CRLF2: variants seen among roughly 807,000 people sequenced by gnomAD.
CRLF2 encodes cytokine receptor like factor 2, also known as cytokine receptor-like factor 2.
A neutral mutation model predicts 38.7 loss-of-function variants in CRLF2; 41 were observed. That is an observed-to-expected ratio of 1.06 (90% CI 0.83 to 1.37). The LOEUF (loss-of-function observed/expected upper bound fraction) is 1.37. CRLF2 is among the 40% of genes most tolerant of loss of function. The probability of loss-of-function intolerance (pLI) is 0.00; values close to 1 mark genes in which losing one functional copy is unlikely to be tolerated. For synonymous variants in CRLF2, 140 were observed against 128.8 expected (o/e 1.09, Z -0.59); for missense variants, 377 against 322.2 (o/e 1.17, Z -1.30).
At chrX:1,207,763 C>A (rs2086718851) in intron 2 of CRLF2, among the ~76,000 whole-genome samples, 1 of 151,628 alleles carries the variant, frequency 6.6e-6, no homozygotes, top group Admixed American at 6.6e-5. Context: ...GATTCTCTTG[C>A]CTCAGCCTCC....
At chrX:1,209,537 TA>T (rs2086757446) in intron 1 of CRLF2, among the ~76,000 whole-genome samples, 1 of 151,208 alleles carries the variant, frequency 6.6e-6, no homozygotes, top group South Asian at 2.1e-4. Context: ...TTCACTGTGT[TA>T]GCCAGGATGG....
rs370190016 is a variant in CRLF2, at chrX:1,204,096, A to AAAAAAAAGAG, written c.350-1562_350-1561insCTCTTTTTTT. 1.1e-3 allele frequency among the ~76,000 whole-genome samples: 151 copies of AAAAAAAAGAG among 133,424 alleles called. 8 individuals carry two copies. Among genetic ancestry groups the AAAAAAAAGAG allele is most frequent in the Non-Finnish European group, 1.9e-3 (120 of 64,324 alleles). 87.5% of individuals were successfully genotyped at this position (133,424 alleles called of 152,430 possible). On this transcript the variant is annotated intron_variant, in intron 3 of 7. Coordinates refer to ENST00000400841, the MANE Select transcript of CRLF2 (RefSeq NM_022148.4). ...GAGCAAGACCCTCTCTCTCAAAAAA[A>AAAAAAAAGAG]AGAGAGAACATCCAGTGAGTGGGAT...
chrX:1,191,224 CGTACAGACG>C, intron 7 of CRLF2, 64 bp from the exon 8 acceptor site: 1 of 398,674 alleles, frequency 2.5e-6, no homozygotes, highest in South Asian at 1.3e-4. Context: ...CCTGAGCATC[CGTACAGACG>C]GTACCCACCA....
intron 4 of CRLF2, 118 bp downstream of exon 4, chrX:1,202,284 T>C (rs2086621273): frequency 8.5e-7 from 1 of 1,178,584 alleles, no homozygotes; most frequent in East Asian, 2.5e-5. Flanking sequence ...TACAGCAGAG[T>C]GGAATTCAGG....
At chrX:1,197,629 T>A (rs189670613) in intron 5 of CRLF2, among the ~76,000 whole-genome samples, 1 of 151,394 alleles carries the variant, frequency 6.6e-6, no homozygotes, top group Admixed American at 6.6e-5. Flanking sequence ...GCCTGGCCAA[T>A]ATGGGGAAAC....
At chrX:1,205,101 A>G (rs1398438033) in intron 3 of CRLF2, among the ~76,000 whole-genome samples, 1 of 152,264 alleles carries the variant, frequency 6.6e-6, no homozygotes, top group Non-Finnish European at 1.5e-5. Context: ...TGCTGGGATT[A>G]CAGGCGTGAG....
chrX:1,202,445 A>T lies in CRLF2; in HGVS notation c.440T>A (p.Leu147His). The T allele has an allele frequency of 6.2e-7, 1 of 1,613,700 alleles. No homozygotes were observed. Among genetic ancestry groups the T allele is most frequent in the Non-Finnish European group, 8.5e-7 (1 of 1,179,662 alleles). Residue 147 changes from leucine (L) to histidine (H), a missense_variant, in exon 4 of 8, where the codon CTC becomes CAC. By Grantham distance (99) the Leu-to-His change is moderately conservative. Coordinates refer to ENST00000400841, the MANE Select transcript of CRLF2 (RefSeq NM_022148.4). The part of the protein sequence containing the change: ...TCSDLSYGDL[L>H]YEVQYRSPFD... ...GGGGCTCCGGTACTGAACCTCATAG[A>T]GGAGATCCCCGTAGGACAGGTCAGA...
intron 7 of CRLF2, among the ~76,000 whole-genome samples, chrX:1,192,475 G>A (rs2086401747): frequency 6.6e-6 from 1 of 151,832 alleles, no homozygotes; most frequent in Admixed American, 6.6e-5. Context: ...AATTAGCCAG[G>A]TGTGGTGGCG....
intron 1 of CRLF2, among the ~76,000 whole-genome samples, chrX:1,212,010 A>C (rs1197834361): frequency 1.3e-5 from 2 of 149,882 alleles, no homozygotes; most frequent in African/African-American, 4.9e-5. Flanking sequence ...TGGATGGTGG[A>C]TGGATGGATG....
At chrX:1,197,252 C>T (rs749460942) in intron 5 of CRLF2, among the ~76,000 whole-genome samples, 181 of 151,164 alleles carry the variant, frequency 1.2e-3, no homozygotes, top group African/African-American at 3.2e-3. Flanking sequence ...GCCACCACAC[C>T]GGGCTAATTT....
intron 2 of CRLF2, among the ~76,000 whole-genome samples, chrX:1,206,932 A>C (rs1196374951): frequency 7.0e-6 from 1 of 143,028 alleles, no homozygotes; most frequent in Non-Finnish European, 1.5e-5. Context: ...GGTGTGAGCT[A>C]CCACACCGGC....
rs1177990216 is a variant in CRLF2, at chrX:1,198,576, C to G, written c.632G>C (p.Arg211Thr). The change falls in exon 5 of 8, where the codon AGA (arginine) becomes ACA (threonine). Residue 211 changes from arginine (R) to threonine (T), a missense_variant. Coordinates refer to ENST00000400841, the MANE Select transcript of CRLF2 (RefSeq NM_022148.4). ...ACAAGCATTACCCCGAATCTCGCCT[C>G]TCTGCCAGCATGTCACCTCTGACCA... is the stretch of plus-strand genomic sequence containing the variant. ...SDWSEVTCWQRGEIRDACAET... is the reference protein window; with the variant it reads ...SDWSEVTCWQTGEIRDACAET... 2 of 1,613,736 alleles carry G rather than the reference C, an allele frequency of 1.2e-6. No homozygotes were observed. Among genetic ancestry groups the G allele is most frequent in the Admixed American group, 3.3e-5 (2 of 60,004 alleles).
rs1403623432 is a variant in CRLF2 at position 1,191,148 on chromosome X, C to G, written c.865G>C (p.Asp289His). The G allele has an allele frequency of 2.5e-6, 1 of 398,606 alleles. No individual in the cohort carries two copies. Among genetic ancestry groups the G allele is most frequent in the Non-Finnish European group, 4.4e-6 (1 of 226,204 alleles). 24.7% of individuals were successfully genotyped at this position (398,606 alleles called of 1,614,324 possible). A position where few individuals can be genotyped will look rare whatever the true frequency, so the allele number is the denominator to read the frequency against. ...HQGNFQEWIT[D>H]TQNVAHLHKM... The stretch of plus-strand genomic sequence containing the variant: ...TGGAGGTGGGCCACGTTCTGGGTGT[C>G]TGTGATCCACTCCTACCAGGAAGAA... Residue 289 changes from aspartate to histidine, a missense_variant, in exon 8 of 8, where the codon GAC becomes CAC. By Grantham distance (81) the Asp-to-His change is moderately conservative. Transcript: ENST00000400841.
chrX:1,195,122 G>A (rs2147824106), intron 6 of CRLF2, among the ~76,000 whole-genome samples: 1 of 152,054 alleles, frequency 6.6e-6, no homozygotes, highest in East Asian at 1.9e-4. Context: ...GAACTCGGGA[G>A]GCAGAGGTTG....
intron 7 of CRLF2, among the ~76,000 whole-genome samples, chrX:1,191,884 C>G (rs2086386943): frequency 6.6e-6 from 1 of 151,932 alleles, no homozygotes; most frequent in Non-Finnish European, 1.5e-5. Flanking sequence ...TCCAGTCAGC[C>G]AAGGTGATTC....
chrX:1,196,220 C>T (rs1396431187), intron 6 of CRLF2, among the ~76,000 whole-genome samples: 2 of 140,944 alleles, frequency 1.4e-5, no homozygotes, highest in Non-Finnish European at 3.0e-5. Context: ...CAGAGTCTCG[C>T]TCTGTCGCCC....
intron 4 of CRLF2, 198 bp from the exon 5 acceptor site, chrX:1,198,922 G>A: frequency 3.2e-6 from 2 of 618,354 alleles, no homozygotes; most frequent in Non-Finnish European, 5.7e-6. Flanking sequence ...GCTGAGGCGG[G>A]TGGATCACCT....
intron 7 of CRLF2, 109 bp downstream of exon 7, chrX:1,193,109 G>A (rs1477377632): frequency 1.2e-4 from 48 of 393,422 alleles, no homozygotes; most frequent in Middle Eastern, 6.4e-4. Context: ...CACTGCGCCC[G>A]GCTGTTAATG....
At chrX:1,212,349 G>A (rs1266156609) in intron 1 of CRLF2, among the ~76,000 whole-genome samples, 1 of 140,564 alleles carries the variant, frequency 7.1e-6, no homozygotes, top group Non-Finnish European at 1.5e-5. Flanking sequence ...TAATATTCAT[G>A]TATTTACTTA....
Sources: gnomAD v4.1 joint callset for allele counts (sites outside exome capture counted in the v4.1 genomes callset) on GRCh38, gnomAD v4.1.1 for gene constraint, MANE v1.5 for transcripts, NCBI Gene and HGNC (gene_info 2026-07-23, HGNC 2026-07-21) for gene names.